The following FGF14 variants were observed in gnomAD, a reference collection of about 807,000 sequenced individuals.
The protein encoded by FGF14 is fibroblast growth factor homologous factor 4.
FGF14 carries 5 observed loss-of-function variants against 25.5 expected under a neutral mutation model. That is an observed-to-expected ratio of 0.20 (90% CI 0.10 to 0.41). The LOEUF (loss-of-function observed/expected upper bound fraction) is 0.41, where lower values mean the gene tolerates loss of function less well. Ranked by LOEUF, FGF14 falls within the 10% of genes least tolerant of loss-of-function variation. The probability of loss-of-function intolerance (pLI) is 1.00; values close to 1 mark genes in which losing one functional copy is unlikely to be tolerated. For missense variants in FGF14, 222 were observed against 320.1 expected (o/e 0.69, Z 2.34); for synonymous variants, 138 against 118.3 (o/e 1.17, Z -1.08).
chr13:101,824,217 G>T (rs887603837), intron 3 of FGF14, among the ~76,000 whole-genome samples: 1 of 151,992 alleles, frequency 6.6e-6, no homozygotes, highest in Non-Finnish European at 1.5e-5. Context: ...CTACTAGAAG[G>T]TCAGCTTAAA....
At chr13:101,753,803 CA>C (rs34402522) in intron 3 of FGF14, among the ~76,000 whole-genome samples, 3,762 of 110,472 alleles carry the variant, frequency 0.034, 83 homozygotes, top group East Asian at 0.11. Flanking sequence ...AACTCCGTCT[CA>C]AAAAAAAAAA....
chr13:102,011,142 T>C (rs993707601), intron 1 of FGF14, among the ~76,000 whole-genome samples: 1 of 152,220 alleles, frequency 6.6e-6, no homozygotes, highest in Non-Finnish European at 1.5e-5. Context: ...ATTGCATTCC[T>C]CTGGGAATCA....
At chr13:102,153,818 C>A (rs188206613) in intron 1 of FGF14, among the ~76,000 whole-genome samples, 75 of 152,130 alleles carry the variant, frequency 4.9e-4, no homozygotes, top group African/African-American at 1.8e-3. Flanking sequence ...GAGAGAAGGA[C>A]GAATCACAAG....
chr13:102,189,247 T>A (rs977938443), intron 1 of FGF14, among the ~76,000 whole-genome samples: 2 of 152,064 alleles, frequency 1.3e-5, no homozygotes, highest in African/African-American at 4.8e-5. Flanking sequence ...TTTAGTCAAA[T>A]TGAAAAACAG....
At chr13:102,208,209 T>C (rs1402924137) in intron 1 of FGF14, among the ~76,000 whole-genome samples, 1 of 152,216 alleles carries the variant, frequency 6.6e-6, no homozygotes, top group Non-Finnish European at 1.5e-5. Flanking sequence ...TTCTCTTTTT[T>C]CATTTAATCT....
intron 1 of FGF14, among the ~76,000 whole-genome samples, chr13:102,057,972 T>C (rs964798958): frequency 6.6e-6 from 1 of 152,196 alleles, no homozygotes; most frequent in Non-Finnish European, 1.5e-5. Context: ...GATAATCACA[T>C]TACTTTATTA....
chr13:101,758,388 A>C (rs973353570), intron 3 of FGF14, among the ~76,000 whole-genome samples: 15 of 152,176 alleles, frequency 9.9e-5, no homozygotes, highest in African/African-American at 2.7e-4. Context: ...GGTGATGCTG[A>C]TGCTGTTTGT....
At chr13:101,835,581 G>GT (rs1278379755) in intron 3 of FGF14, among the ~76,000 whole-genome samples, 1 of 151,856 alleles carries the variant, frequency 6.6e-6, no homozygotes, top group Non-Finnish European at 1.5e-5. Flanking sequence ...GGGTAAAATA[G>GT]GCACAGCGTG....
intron 3 of FGF14, among the ~76,000 whole-genome samples, chr13:101,859,275 G>C (rs1458920007): frequency 6.6e-6 from 1 of 152,130 alleles, no homozygotes; most frequent in Non-Finnish European, 1.5e-5. Flanking sequence ...GTCACTACTT[G>C]AGGAAATGGG....
chr13:102,142,203 AATC>A (rs1480747416), intron 1 of FGF14, among the ~76,000 whole-genome samples: 1 of 152,186 alleles, frequency 6.6e-6, no homozygotes, highest in Non-Finnish European at 1.5e-5. Flanking sequence ...TTTTCTCCTA[AATC>A]ATCAAGCACA....
chr13:102,145,088 T>C (rs1415038647), intron 1 of FGF14, among the ~76,000 whole-genome samples: 1 of 152,198 alleles, frequency 6.6e-6, no homozygotes, highest in Non-Finnish European at 1.5e-5. Context: ...CCAACAGTTA[T>C]TATTTTCTTT....
Position 102,265,449 on chromosome 13 carries a change from A to G in FGF14, c.208+136022T>C, listed in dbSNP as rs117616852. Among the ~76,000 whole-genome samples, 530 of 152,306 alleles carry G rather than the reference A, an allele frequency of 3.5e-3. 10 individuals are homozygous for G. Among genetic ancestry groups the G allele is most frequent in the Admixed American group, 0.028 (422 of 15,274 alleles). On this transcript the variant is annotated intron_variant, in intron 1 of 4. Coordinates refer to the FGF14 transcript ENST00000376131. ...TAATAGCGCATCTGAATATAATTCA[A>G]GCAAAAGGCAGAATCCATTATGGTC...
chr13:101,850,520 A>C lies in FGF14; in HGVS notation c.408+18205T>G, dbSNP rs1364171920. On this transcript the variant is annotated intron_variant, in intron 3 of 4. Coordinates refer to ENST00000376143, the MANE Select transcript of FGF14 (RefSeq NM_004115.4). ...TATATATATATATATATATAGAATT[A>C]TATATTCTATATATATATATATATA... 5.3e-3 allele frequency among the ~76,000 whole-genome samples: 14 copies of C among 2,644 alleles called. 2 individuals carry two copies. The highest frequency in any genetic ancestry group is 0.016 in the African/African-American group (14 of 892). 1.7% of individuals were successfully genotyped at this position (2,644 alleles called of 152,430 possible).
At chr13:101,952,391 C>T (rs1448045406) in intron 1 of FGF14, among the ~76,000 whole-genome samples, 3 of 148,128 alleles carry the variant, frequency 2.0e-5, no homozygotes, top group Non-Finnish European at 4.4e-5. Flanking sequence ...TTCATAACTG[C>T]TTCTTTGTCC....
intron 1 of FGF14, among the ~76,000 whole-genome samples, chr13:102,029,186 T>C (rs1409894015): frequency 6.6e-6 from 1 of 152,104 alleles, no homozygotes; most frequent in Non-Finnish European, 1.5e-5. Context: ...TGTGTGTGTC[T>C]TTCTTCAAAG....
At position 102,400,972 on chromosome 13, in the gene FGF14, C is replaced by G. The variant is rs561457658; in HGVS notation, c.208+499G>C. 6.6e-6 allele frequency among the ~76,000 whole-genome samples: 1 copy of G among 151,828 alleles called. No individual in the cohort carries two copies. Among genetic ancestry groups the G allele is most frequent in the South Asian group, 2.1e-4 (1 of 4,754 alleles). ...GGGGGCTGACGGAGGAGCGGGGCCG[C>G]GAGGGAGGGGGCCTCTTTTACTTTG... On this transcript the variant is annotated intron_variant, in intron 1 of 4. Transcript: ENST00000376131. This position sits in a 1 kb window ranked among gnomAD's most constrained non-coding sequence, Gnocchi z 4.3.
chr13:101,968,739 A>G (rs2037397069), intron 1 of FGF14, among the ~76,000 whole-genome samples: 1 of 151,746 alleles, frequency 6.6e-6, no homozygotes, highest in Admixed American at 6.6e-5. Flanking sequence ...TACCACAATT[A>G]CAAAAGTCAC....
chr13:102,052,380 A>C (rs1442099729), intron 1 of FGF14, among the ~76,000 whole-genome samples: 3 of 152,110 alleles, frequency 2.0e-5, no homozygotes, highest in Non-Finnish European at 4.4e-5. Flanking sequence ...ATAAATATCC[A>C]GGTACGAGAA....
intron 1 of FGF14, chr13:102,293,475 G>T (rs1205863666): frequency 1.3e-5 from 2 of 152,190 alleles, no homozygotes; most frequent in African/African-American, 4.8e-5. Flanking sequence ...CGTAGAGAAG[G>T]CATATGGCCG....
Sources: gnomAD v4.1 joint callset for allele counts (sites outside exome capture counted in the v4.1 genomes callset) on GRCh38, gnomAD v4.1.1 for gene constraint, Gnocchi (gnomAD v3.1) non-coding constraint, MANE v1.5 for transcripts, NCBI Gene and HGNC (gene_info 2026-07-23, HGNC 2026-07-21) for gene names.